Variants in BCKDHA observed in about 807,000 individuals in gnomAD.
The protein encoded by BCKDHA is 2-oxoisovalerate dehydrogenase subunit alpha, mitochondrial.
Under a neutral mutation model 52.2 loss-of-function variants are expected in BCKDHA, and 43 were observed. That is an observed-to-expected ratio of 0.82 (90% confidence interval 0.64 to 1.06). The LOEUF (loss-of-function observed/expected upper bound fraction) is 1.06. BCKDHA is among the 50% of genes least tolerant of loss of function. BCKDHA has a pLI of 0.00. For synonymous variants in BCKDHA, 234 were observed against 247.9 expected, an observed-to-expected ratio of 0.94 and a Z score of 0.53; for missense variants, 527 against 621.3, an observed-to-expected ratio of 0.85 and a Z score of 1.61.
At chr19:41,418,528 A>G (rs1465375134) in intron 4 of BCKDHA, among the ~76,000 whole-genome samples, 1 of 129,080 alleles carries the variant, frequency 7.7e-6, no homozygotes, top group Non-Finnish European at 1.6e-5. Context: ...TTGGTTCATA[A>G]TGATGATTTT....
chr19:41,402,185 C>G (rs1438149611), intron 1 of BCKDHA, among the ~76,000 whole-genome samples: 1 of 152,134 alleles, frequency 6.6e-6, no homozygotes, highest in Non-Finnish European at 1.5e-5. Flanking sequence ...CCCCATAATT[C>G]AATTACCTCC....
At position 41,410,823 on chromosome 19, in the gene BCKDHA, G is replaced by A. The variant is rs780156666; in HGVS notation, c.288+7G>A. On this transcript the variant is annotated splice_region_variant and intron_variant, in intron 2 of 8. Transcript: ENST00000269980. The stretch of plus-strand genomic sequence containing the variant: ...CCCCAGCGAGGACCCCCACGTGAGA[G>A]GCGGCCTCCCCCACTTCCCGTGCCC... 13 of 1,614,112 alleles carry A rather than the reference G, an allele frequency of 8.1e-6. 1 individual carries two copies. In the South Asian group the frequency reaches 1.4e-4, roughly 18 times the overall value.
At chr19:41,422,030 A>G (rs2039371209) in intron 5 of BCKDHA, 134 bp from the exon 6 acceptor site, 3 of 843,332 alleles carry the variant, frequency 3.6e-6, no homozygotes, top group Non-Finnish European at 3.9e-6. Flanking sequence ...TCAGGAGCTG[A>G]GGTGTTTCCT....
chr19:41,407,081 CTT>C (rs1171500611), intron 1 of BCKDHA, among the ~76,000 whole-genome samples: 1 of 152,212 alleles, frequency 6.6e-6, no homozygotes, highest in Non-Finnish European at 1.5e-5. Flanking sequence ...CCCAGCTCCT[CTT>C]TTCCCTATCT....
intron 1 of BCKDHA, among the ~76,000 whole-genome samples, chr19:41,408,166 A>T (rs2039213329): frequency 6.6e-6 from 1 of 151,860 alleles, no homozygotes; most frequent in Non-Finnish European, 1.5e-5. Context: ...ACTGTTGCCC[A>T]GGCTGGTCTC....
chr19:41,401,743 C>T (rs954556761), intron 1 of BCKDHA, among the ~76,000 whole-genome samples: 2 of 152,150 alleles, frequency 1.3e-5, no homozygotes, highest in Admixed American at 6.6e-5. Context: ...ACCTCTCTGA[C>T]CCTAGCTAGT....
In BCKDHA at chr19:41,410,701, C is replaced by T. The variant is rs954168651; in HGVS notation, c.173C>T (p.Ser58Leu). Residue 58 changes from serine (S) to leucine (L), a missense_variant, in exon 2 of 9, where the codon TCG becomes TTG. Coordinates refer to ENST00000269980, the MANE Select transcript of BCKDHA (RefSeq NM_000709.4). ...LDDKPQFPGA[S>L]AEFIDKLEFI... ...GACAAGCCCCAGTTCCCAGGGGCCT[C>T]GGCGGAGTTTATAGATAAGTTGGAA... The T allele has an allele frequency of 1.1e-5, 18 of 1,614,066 alleles. No individual in the cohort carries two copies. The highest frequency in any genetic ancestry group is 6.7e-5 in the East Asian group (3 of 44,896).
In BCKDHA at chr19:41,414,033, C is replaced by A. The variant is rs758600811; in HGVS notation, c.376-16C>A. 1.9e-6 allele frequency: 3 copies of A among 1,608,870 alleles called. No individual in the cohort carries two copies. The highest frequency in any genetic ancestry group is 2.6e-6 in the Non-Finnish European group (3 of 1,175,814). The stretch of plus-strand genomic sequence containing the variant: ...CATAACCAATTGTGGGACCCCGGTC[C>A]CCTCTACACCCCCAGGGCCGGATCT... On this transcript the variant is annotated splice_polypyrimidine_tract_variant and intron_variant, in intron 3 of 8. Coordinates refer to ENST00000269980, the MANE Select transcript of BCKDHA (RefSeq NM_000709.4).
chr19:41,414,166 G>C lies in BCKDHA; in HGVS notation c.484+9G>C. The stretch of plus-strand genomic sequence containing the variant: ...CCAGTACCGGGAGGCAGGTACGTCT[G>C]TCCGTGGTTTGGCCCTGTGGTCCCC... On this transcript the variant is annotated intron_variant, in intron 4 of 8. Transcript: ENST00000269980. 1 of 1,612,920 alleles carries C rather than the reference G, an allele frequency of 6.2e-7. No individual in the cohort carries two copies. The highest frequency in any genetic ancestry group is 8.5e-7 in the Non-Finnish European group (1 of 1,179,550).
Position 41,419,226 on chromosome 19 carries a change from T to C in BCKDHA, c.576T>C (p.Pro192=), listed in dbSNP as rs770967739. The C allele has an allele frequency of 1.2e-6, 2 of 1,614,254 alleles. No individual in the cohort carries two copies. The highest frequency in any genetic ancestry group is 4.5e-5 in the East Asian group (2 of 44,892). ...ACTTGGGCAAGGGGCGCCAGATGCC[T>C]GTCCACTACGGCTGCAAGGAACGCC... is the stretch of plus-strand genomic sequence containing the variant. ...ISDLGKGRQM[P]VHYGCKERHF... is the part of the protein sequence containing the mutation. The change falls in exon 5 of 9, where the codon CCT becomes CCC. Residue 192 remains proline, a synonymous_variant. Transcript: ENST00000269980.
At chr19:41,403,724 C>G (rs2123242205) in intron 1 of BCKDHA, among the ~76,000 whole-genome samples, 1 of 152,214 alleles carries the variant, frequency 6.6e-6, no homozygotes, top group African/African-American at 2.4e-5. Flanking sequence ...GCGGCAGGTG[C>G]TTTCCCCGCC....
chr19:41,418,201 T>A (rs1404725923), intron 4 of BCKDHA, among the ~76,000 whole-genome samples: 2 of 151,892 alleles, frequency 1.3e-5, no homozygotes, highest in Non-Finnish European at 2.9e-5. Context: ...TGGAAAGCAC[T>A]GTACTAGAGA....
chr19:41,407,911 G>C lies in BCKDHA; in HGVS notation c.109-2726G>C, dbSNP rs147808002. On this transcript the variant is annotated intron_variant, in intron 1 of 8. Transcript: ENST00000269980. ...TGGGGTGAGGAGCATGGATGTCTAG[G>C]AGCCTGAATCTCAGCGTTGGAAGCC... 1.4e-3 allele frequency among the ~76,000 whole-genome samples: 220 copies of C among 151,878 alleles called. 1 individual carries two copies. The highest frequency in any genetic ancestry group is 5.1e-3 in the African/African-American group (212 of 41,412).
Position 41,412,437 on chromosome 19 carries a change from G to A in BCKDHA, c.375+1428G>A, listed in dbSNP as rs530912829. ...AGTTTTGCTCTTGTTGCCCAGGCTG[G>A]AGTGCAATGGCACGATCTTGGCTCA... On this transcript the variant is annotated intron_variant, in intron 3 of 8. Transcript: ENST00000269980. 5.8e-5 allele frequency among the ~76,000 whole-genome samples: 7 copies of A among 121,058 alleles called. No homozygotes were observed. The East Asian group carries it at 1.7e-3, about 29-fold the overall frequency. The allele number at this position is 121,058 out of a possible 152,430, so 79.4% of individuals were successfully genotyped here.
chr19:41,416,293 C>T (rs1482069452), intron 4 of BCKDHA, among the ~76,000 whole-genome samples: 1 of 152,174 alleles, frequency 6.6e-6, no homozygotes, highest in Non-Finnish European at 1.5e-5. Flanking sequence ...ACTGTCATTT[C>T]CCCTCACTGC....
At chr19:41,408,893 C>G (rs927166496) in intron 1 of BCKDHA, among the ~76,000 whole-genome samples, 4 of 152,002 alleles carry the variant, frequency 2.6e-5, no homozygotes, top group African/African-American at 4.8e-5. Context: ...CAGATATGAG[C>G]CACCTTGCCA....
intron 4 of BCKDHA, chr19:41,418,902 A>G: frequency 1.8e-6 from 1 of 549,520 alleles, no homozygotes; most frequent in Non-Finnish European, 3.3e-6. Context: ...AAGCACTTAA[A>G]TACCAGACAA....
chr19:41,423,204 G>T, intron 8 of BCKDHA, 35 bp downstream of exon 8: 1 of 1,548,790 alleles, frequency 6.5e-7, no homozygotes, highest in Non-Finnish European at 8.7e-7. Context: ...TGTGCTGGGG[G>T]CTGCTGCGGC....
chr19:41,408,610 G>T (rs886186229), intron 1 of BCKDHA, among the ~76,000 whole-genome samples: 4 of 151,480 alleles, frequency 2.6e-5, no homozygotes, highest in Non-Finnish European at 4.4e-5. Context: ...GACTCCTCCA[G>T]CCCCTCTGAG....
Sources: gnomAD v4.1 joint callset for allele counts (sites outside exome capture counted in the v4.1 genomes callset) on GRCh38, gnomAD v4.1.1 for gene constraint, MANE v1.5 for transcripts, NCBI Gene and HGNC (gene_info 2026-07-23, HGNC 2026-07-21) for gene names.